The following NALCN variants were observed in gnomAD, a reference collection of about 807,000 sequenced individuals.
The protein encoded by NALCN is sodium leak channel NALCN.
Under a neutral mutation model 225.3 loss-of-function variants are expected in NALCN, and 111 were observed. That is an observed-to-expected ratio of 0.49 (90% confidence interval 0.42 to 0.58). NALCN has a LOEUF of 0.58. Ranked by LOEUF, NALCN falls within the 20% of genes least tolerant of loss-of-function variation. The probability of loss-of-function intolerance (pLI) is 0.00; values close to 1 mark genes in which losing one functional copy is unlikely to be tolerated. For synonymous variants in NALCN, 764 were observed against 769.0 expected (o/e 0.99, Z 0.11); for missense variants, 1,378 against 2,202.4 (o/e 0.63, Z 7.49).
intron 7 of NALCN, among the ~76,000 whole-genome samples, chr13:101,334,976 G>A (rs1258148083): frequency 6.6e-6 from 1 of 152,040 alleles, no homozygotes; most frequent in African/African-American, 2.4e-5. Flanking sequence ...ATTATTTGAA[G>A]TATTACTTTT....
intron 18 of NALCN, among the ~76,000 whole-genome samples, chr13:101,122,222 T>G (rs2036012211): frequency 6.6e-6 from 1 of 152,158 alleles, no homozygotes; most frequent in South Asian, 2.1e-4. Context: ...GAAACTAGCA[T>G]AGAAGCAATG....
At chr13:101,176,463 G>C in intron 14 of NALCN, 89 bp from the exon 15 acceptor site, 1 of 867,356 alleles carries the variant, frequency 1.2e-6, no homozygotes, top group Non-Finnish European at 1.7e-6. Context: ...AAAATATATT[G>C]AGTATATAAT....
At chr13:101,227,163 C>A (rs1355508455) in intron 13 of NALCN, among the ~76,000 whole-genome samples, 1 of 152,178 alleles carries the variant, frequency 6.6e-6, no homozygotes, top group Non-Finnish European at 1.5e-5. Flanking sequence ...ACCTCGACAC[C>A]TGTCAGCTCA....
intron 15 of NALCN, among the ~76,000 whole-genome samples, chr13:101,167,567 T>C (rs2038500059): frequency 6.6e-6 from 1 of 152,290 alleles, no homozygotes; most frequent in South Asian, 2.1e-4. Flanking sequence ...CCAGGTTAGG[T>C]GGTTCACGCC....
chr13:101,401,313 G>A (rs117081838), intron 1 of NALCN, among the ~76,000 whole-genome samples: 3,599 of 151,878 alleles, frequency 0.024, 69 homozygotes, highest in South Asian at 0.052. Context: ...CTGATGTACT[G>A]GTAGTGGGGA....
At chr13:101,234,835 ACTATCTATCTATCTATCATCTAC>A (rs542359386) in intron 12 of NALCN, among the ~76,000 whole-genome samples, 5,285 of 144,906 alleles carry the variant, frequency 0.036, 297 homozygotes, top group African/African-American at 0.12. Flanking sequence ...CTATCTATCT[ACTATCTATCTATCTATCATCTAC>A]CTATCTATCT....
At chr13:101,225,667 T>G (rs1019453414) in intron 13 of NALCN, among the ~76,000 whole-genome samples, 1 of 152,190 alleles carries the variant, frequency 6.6e-6, no homozygotes, top group African/African-American at 2.4e-5. Flanking sequence ...TCTCTGCCTC[T>G]CACTGAGTGA....
chr13:101,220,577 A>G (rs1015432703), intron 13 of NALCN, among the ~76,000 whole-genome samples: 2 of 152,174 alleles, frequency 1.3e-5, no homozygotes, highest in South Asian at 4.1e-4. Flanking sequence ...TAGTCACTTC[A>G]CACGTTCAGG....
At chr13:101,241,804 T>TGGTTG (rs1267029517) in intron 11 of NALCN, among the ~76,000 whole-genome samples, 3 of 109,268 alleles carry the variant, frequency 2.7e-5, no homozygotes, top group African/African-American at 6.5e-5. Context: ...ATCCTTTCCC[T>TGGTTG]CTGAGGGATG....
chr13:101,238,388 A>T (rs978204174), intron 11 of NALCN, among the ~76,000 whole-genome samples: 173 of 151,958 alleles, frequency 1.1e-3, no homozygotes, highest in Non-Finnish European at 5.3e-4. Flanking sequence ...TTTAGGCCAC[A>T]TGGCAAAAGA....
intron 17 of NALCN, among the ~76,000 whole-genome samples, chr13:101,140,108 A>G (rs10508054): frequency 6.6e-6 from 1 of 152,186 alleles, no homozygotes; most frequent in Non-Finnish European, 1.5e-5. Flanking sequence ...TAACAGGAGC[A>G]GTTGTCTTGC....
At position 101,311,282 on chromosome 13, in the gene NALCN, G is replaced by C. The variant is rs1370888231; in HGVS notation, c.800-18916C>G. 7.9e-5 allele frequency among the ~76,000 whole-genome samples: 12 copies of C among 151,888 alleles called. No individual in the cohort carries two copies. The East Asian group carries it at 2.1e-3, about 27-fold the overall frequency. On this transcript the variant is annotated intron_variant, in intron 7 of 43. Transcript: ENST00000251127. ...TGGGCTGAGACAATGGGGTTTTCTA[G>C]ATATATAATCATGTCATCTGCAAAC...
intron 7 of NALCN, among the ~76,000 whole-genome samples, chr13:101,333,987 TG>T (rs2045275701): frequency 1.3e-5 from 2 of 152,138 alleles, no homozygotes; most frequent in Non-Finnish European, 2.9e-5. Flanking sequence ...TGCAGAATGA[TG>T]ATTTTCAAAA....
intron 13 of NALCN, among the ~76,000 whole-genome samples, chr13:101,226,675 G>C (rs899572090): frequency 2.6e-5 from 4 of 152,134 alleles, no homozygotes; most frequent in African/African-American, 9.7e-5. Context: ...GGCCTTGCCT[G>C]GGAGACCTCC....
chr13:101,358,766 T>C (rs1037913213), intron 6 of NALCN, among the ~76,000 whole-genome samples: 5 of 152,170 alleles, frequency 3.3e-5, no homozygotes, highest in African/African-American at 1.2e-4. Context: ...TGCAACACTA[T>C]TTACAATAGC....
chr13:101,247,079 G>A (rs1180711827), intron 11 of NALCN, among the ~76,000 whole-genome samples: 2 of 152,186 alleles, frequency 1.3e-5, no homozygotes, highest in Non-Finnish European at 2.9e-5. Flanking sequence ...ATCAGGCAAT[G>A]TTGGACTCAA....
chr13:101,215,752 C>T (rs544198571), intron 13 of NALCN, among the ~76,000 whole-genome samples: 29 of 152,002 alleles, frequency 1.9e-4, no homozygotes, highest in East Asian at 5.8e-4. Context: ...ATGTGCACAA[C>T]GTGCAGGTTT....
At position 101,179,358 on chromosome 13, in the gene NALCN, T is replaced by C. The variant is rs542265780; in HGVS notation, c.1765-2984A>G. 1.1e-4 allele frequency among the ~76,000 whole-genome samples: 16 copies of C among 152,320 alleles called. No homozygotes were observed. In the South Asian group the frequency reaches 2.5e-3, roughly 24 times the overall value. ...CCCCGAGCAACCCTGACATGTAGTATAGCTATACAATGTCTGAAAATATAC... is the reference window on the plus strand; with the variant it reads ...CCCCGAGCAACCCTGACATGTAGTACAGCTATACAATGTCTGAAAATATAC... On this transcript the variant is annotated intron_variant, in intron 14 of 43. Coordinates refer to ENST00000251127, the MANE Select transcript of NALCN (RefSeq NM_052867.4).
intron 6 of NALCN, among the ~76,000 whole-genome samples, chr13:101,368,097 T>C (rs529447677): frequency 1.1e-4 from 16 of 151,408 alleles, no homozygotes; most frequent in South Asian, 2.1e-4. Flanking sequence ...TGGTGTGCTG[T>C]ACCCATTAAC....
Sources: gnomAD v4.1 joint callset for allele counts (sites outside exome capture counted in the v4.1 genomes callset) on GRCh38, gnomAD v4.1.1 for gene constraint, MANE v1.5 for transcripts, NCBI Gene and HGNC (gene_info 2026-07-23, HGNC 2026-07-21) for gene names.